SAMMSON: variants seen among roughly 807,000 people sequenced by gnomAD.
SAMMSON encodes long intergenic non-protein coding RNA 1212.
intron 7 of SAMMSON, among the ~76,000 whole-genome samples, chr3:70,331,121 A>G (rs1054259547): frequency 6.6e-6 from 1 of 152,218 alleles, no homozygotes; most frequent in Non-Finnish European, 1.5e-5. Context: ...CCTTCAACGT[A>G]TGAGCTCTAA....
At chr3:70,398,315 A>G (rs1259523604) in intron 2 of SAMMSON, among the ~76,000 whole-genome samples, 1 of 152,206 alleles carries the variant, frequency 6.6e-6, no homozygotes, top group Non-Finnish European at 1.5e-5. Context: ...TTTGGACTAA[A>G]GTAAATTAAA....
intron 4 of SAMMSON, among the ~76,000 whole-genome samples, chr3:70,116,292 C>CTTTTT (rs57252778): frequency 0.055 from 6,464 of 117,972 alleles, 213 homozygotes; most frequent in Middle Eastern, 0.067. Flanking sequence ...GCGATGCTTT[C>CTTTTT]TTTTTTTTTT....
At chr3:70,298,641 G>T (rs930387738) in intron 7 of SAMMSON, among the ~76,000 whole-genome samples, 2 of 152,062 alleles carry the variant, frequency 1.3e-5, no homozygotes, top group African/African-American at 2.4e-5. Flanking sequence ...CGTGTTTAGG[G>T]AATCCAACTG....
At chr3:70,410,976 G>A (rs948840007) in intron 2 of SAMMSON, among the ~76,000 whole-genome samples, 7 of 152,266 alleles carry the variant, frequency 4.6e-5, no homozygotes, top group African/African-American at 1.7e-4. Context: ...GAGGGCCGGA[G>A]CACTGTCTCA....
At chr3:70,161,561 T>C (rs1251866215) in intron 4 of SAMMSON, among the ~76,000 whole-genome samples, 1 of 151,998 alleles carries the variant, frequency 6.6e-6, no homozygotes, top group Non-Finnish European at 1.5e-5. Context: ...TTGAATTTGG[T>C]TTGCTAACAT....
At chr3:70,080,911 C>T (rs2067265626) in intron 4 of SAMMSON, among the ~76,000 whole-genome samples, 1 of 152,122 alleles carries the variant, frequency 6.6e-6, no homozygotes, top group African/African-American at 2.4e-5. Context: ...ATAAGGACAA[C>T]CCAGGGCCTA....
intron 6 of SAMMSON, among the ~76,000 whole-genome samples, chr3:70,290,944 C>T (rs1455574259): frequency 1.3e-5 from 2 of 152,158 alleles, no homozygotes; most frequent in African/African-American, 4.8e-5. Context: ...CACCCACTGA[C>T]CTGAGCCCAC....
intron 6 of SAMMSON, among the ~76,000 whole-genome samples, chr3:70,256,547 G>T (rs889294097): frequency 2.6e-5 from 4 of 152,078 alleles, no homozygotes; most frequent in Admixed American, 6.6e-5. Context: ...TGACTTTAAA[G>T]AAATTAATAC....
intron 6 of SAMMSON, among the ~76,000 whole-genome samples, chr3:70,252,805 C>T (rs528709105): frequency 3.6e-4 from 55 of 152,214 alleles, no homozygotes; most frequent in Non-Finnish European, 6.5e-4. Flanking sequence ...GAAGGCCAGG[C>T]GCGGTGGCTC....
At chr3:70,003,673 T>C (rs1429958949) in intron 1 of SAMMSON, among the ~76,000 whole-genome samples, 1 of 151,802 alleles carries the variant, frequency 6.6e-6, no homozygotes, top group African/African-American at 2.4e-5. Flanking sequence ...GTATTATTGT[T>C]TTGTACATTC....
intron 1 of SAMMSON, chr3:70,009,317 G>T (rs902358532): frequency 1.3e-5 from 2 of 152,006 alleles, no homozygotes; most frequent in Non-Finnish European, 1.5e-5. Context: ...CAATTTCAGA[G>T]CCTGTTATTG....
chr3:70,403,401 TG>T (rs1314946745), intron 2 of SAMMSON, among the ~76,000 whole-genome samples: 22 of 152,196 alleles, frequency 1.4e-4, no homozygotes, highest in African/African-American at 4.3e-4. Context: ...GTACAAGAGA[TG>T]GATGTTCATG....
At chr3:70,274,056 C>CGTGT (rs111792704) in intron 6 of SAMMSON, among the ~76,000 whole-genome samples, 18,773 of 142,688 alleles carry the variant, frequency 0.13, 1,320 homozygotes, top group Non-Finnish European at 0.16. Flanking sequence ...ATTAAACCTC[C>CGTGT]GTGTGTGTGT....
chr3:70,071,265 C>T (rs1346227998), intron 3 of SAMMSON, among the ~76,000 whole-genome samples: 1 of 151,814 alleles, frequency 6.6e-6, no homozygotes, highest in African/African-American at 2.4e-5. Flanking sequence ...CCTTTCTTTA[C>T]AAAATCTTCA....
At chr3:70,150,195 A>G (rs2067566117) in intron 4 of SAMMSON, among the ~76,000 whole-genome samples, 1 of 152,024 alleles carries the variant, frequency 6.6e-6, no homozygotes, top group Non-Finnish European at 1.5e-5. Flanking sequence ...TGAATGTGAC[A>G]TGTTTCCTCA....
At chr3:70,191,574 T>C (rs1010779632) in intron 4 of SAMMSON, among the ~76,000 whole-genome samples, 12 of 152,262 alleles carry the variant, frequency 7.9e-5, no homozygotes, top group African/African-American at 2.9e-4. Flanking sequence ...TATTACTTAT[T>C]GGGTACGTAT....
chr3:70,004,338 A>G (rs998208148), intron 1 of SAMMSON, among the ~76,000 whole-genome samples: 2 of 152,190 alleles, frequency 1.3e-5, no homozygotes, highest in South Asian at 4.1e-4. Context: ...ATTTCTTGGG[A>G]CAAACTTTTA....
intron 9 of SAMMSON, among the ~76,000 whole-genome samples, chr3:70,367,456 T>C (rs1702931187): frequency 6.6e-6 from 1 of 151,608 alleles, no homozygotes; most frequent in African/African-American, 2.4e-5. Context: ...AGCTTCCACA[T>C]ATGAGTGAGA....
chr3:70,045,083 TATA>T lies in SAMMSON; in HGVS notation n.418-26390_418-26388del, dbSNP rs1238029636. Among the ~76,000 whole-genome samples, 64 of 78,718 alleles carry T rather than the reference TATA, an allele frequency of 8.1e-4. 1 individual carries two copies. The highest frequency in any genetic ancestry group is 0.017 in the Middle Eastern group (2 of 120). 51.6% of individuals were successfully genotyped at this position (78,718 alleles called of 152,430 possible). On this transcript the variant is annotated intron_variant and non_coding_transcript_variant, in intron 3 of 9. Coordinates refer to ENST00000642114, the Ensembl canonical transcript of SAMMSON. ...TATAATATATATTATAATTAATATATATAATTAATTATAATATATATTATAATT... is the reference window on the plus strand; with the variant it reads ...TATAATATATATTATAATTAATATATATTAATTATAATATATATTATAATT...
Sources: gnomAD v4.1 joint callset for allele counts (sites outside exome capture counted in the v4.1 genomes callset) on GRCh38, gnomAD v4.1.1 for gene constraint, MANE v1.5 for transcripts, NCBI Gene and HGNC (gene_info 2026-07-23, HGNC 2026-07-21) for gene names.